The following CTNNA2 variants were observed in gnomAD, a reference collection of about 807,000 sequenced individuals.
The protein encoded by CTNNA2 is catenin alpha-2.
In CTNNA2, 42 loss-of-function variants were observed where a neutral mutation model predicts 101.0. The observed-to-expected ratio is 0.42, with a 90% CI of 0.32 to 0.54. The LOEUF (loss-of-function observed/expected upper bound fraction) is 0.54, where lower values mean the gene tolerates loss of function less well. Among genes scored for constraint, CTNNA2 ranks in the 20% least tolerant of loss-of-function variants. CTNNA2 has a pLI of 0.14. For missense variants in CTNNA2, 871 were observed against 1,223.1 expected (o/e 0.71, Z 4.29); for synonymous variants, 450 against 456.4 (o/e 0.99, Z 0.18).
At chr2:79,568,677 T>TA (rs1675268573) in intron 1 of CTNNA2, among the ~76,000 whole-genome samples, 1 of 151,648 alleles carries the variant, frequency 6.6e-6, no homozygotes. Context: ...CATGATGAAA[T>TA]AAAAAACAAT....
In CTNNA2 at chr2:80,312,147, G is replaced by A. The variant is rs985077889; in HGVS notation, c.1057-81064G>A. On this transcript the variant is annotated intron_variant, in intron 7 of 18. Transcript: ENST00000402739. ...TAAATTTGATTCTCTCAGCAAGGCAGTTTTTACTTTCTTCAGAAAGGGTGC... is the reference window on the plus strand; with the variant it reads ...TAAATTTGATTCTCTCAGCAAGGCAATTTTTACTTTCTTCAGAAAGGGTGC... 2.9e-4 allele frequency among the ~76,000 whole-genome samples: 44 copies of A among 152,346 alleles called. No individual in the cohort carries two copies. In the Middle Eastern group the frequency reaches 0.01, roughly 35 times the overall value.
At chr2:79,437,142 G>A (rs1458328577) in intron 4 of CTNNA2, among the ~76,000 whole-genome samples, 1 of 151,704 alleles carries the variant, frequency 6.6e-6, no homozygotes, top group African/African-American at 2.4e-5. Flanking sequence ...GCTGAGGCAG[G>A]AGAATCAGTT....
At chr2:79,622,132 C>T (rs927695962) in intron 1 of CTNNA2, among the ~76,000 whole-genome samples, 32 of 152,164 alleles carry the variant, frequency 2.1e-4, no homozygotes, top group African/African-American at 7.0e-4. Context: ...AAAAATGGCT[C>T]CTTAAGAATG....
intron 17 of CTNNA2, among the ~76,000 whole-genome samples, chr2:80,610,495 A>T (rs1698372225): frequency 6.6e-6 from 1 of 151,658 alleles, no homozygotes; most frequent in African/African-American, 2.4e-5. Context: ...TCAAAAAAGA[A>T]ATACTTAAAT....
At chr2:79,444,691 G>A (rs1023753548) in intron 4 of CTNNA2, among the ~76,000 whole-genome samples, 4 of 151,990 alleles carry the variant, frequency 2.6e-5, no homozygotes, top group Non-Finnish European at 4.4e-5. Context: ...CTCAAAATGT[G>A]TATGTGTGTC....
chr2:80,635,003 C>T (rs780280762), intron 18 of CTNNA2, among the ~76,000 whole-genome samples: 8 of 152,064 alleles, frequency 5.3e-5, no homozygotes, highest in African/African-American at 1.4e-4. Flanking sequence ...AAAAGGCTTA[C>T]GGATGCTTAG....
chr2:79,686,772 T>G (rs531517635), intron 2 of CTNNA2, among the ~76,000 whole-genome samples: 2 of 152,250 alleles, frequency 1.3e-5, no homozygotes, highest in African/African-American at 2.4e-5. Flanking sequence ...ACCCTGCTAC[T>G]GTACAGTGTG....
At chr2:79,956,778 A>G (rs1409512953) in intron 7 of CTNNA2, among the ~76,000 whole-genome samples, 1 of 150,388 alleles carries the variant, frequency 6.6e-6, no homozygotes, top group East Asian at 1.9e-4. Context: ...AAAGAGTAAT[A>G]CAATGTCTTA....
chr2:79,424,860 T>A (rs193162965), intron 4 of CTNNA2, among the ~76,000 whole-genome samples: 8 of 152,318 alleles, frequency 5.3e-5, no homozygotes, highest in Middle Eastern at 3.4e-3. Flanking sequence ...AGCATATTTT[T>A]ATTTATTTAA....
chr2:80,483,981 T>G (rs1019536610), intron 9 of CTNNA2, among the ~76,000 whole-genome samples: 12 of 152,022 alleles, frequency 7.9e-5, no homozygotes, highest in African/African-American at 2.9e-4. Context: ...AGTAGCTGCT[T>G]GAAGGAAAAA....
chr2:80,023,485 C>T (rs1432868346), intron 7 of CTNNA2, among the ~76,000 whole-genome samples: 1 of 151,952 alleles, frequency 6.6e-6, no homozygotes, highest in East Asian at 1.9e-4. Context: ...TCAGGGATTC[C>T]TACAGCAGGC....
At chr2:80,577,389 C>G (rs964794380) in intron 13 of CTNNA2, among the ~76,000 whole-genome samples, 1 of 152,058 alleles carries the variant, frequency 6.6e-6, no homozygotes, top group African/African-American at 2.4e-5. Flanking sequence ...TAAGCCCTAA[C>G]GGTACTCAGG....
At chr2:80,213,707 A>G (rs911804934) in intron 7 of CTNNA2, among the ~76,000 whole-genome samples, 5 of 152,116 alleles carry the variant, frequency 3.3e-5, no homozygotes, top group Non-Finnish European at 7.3e-5. Flanking sequence ...TGGGGTGGAG[A>G]GTTCTATAGA....
intron 7 of CTNNA2, among the ~76,000 whole-genome samples, chr2:79,979,605 G>C (rs1173104491): frequency 6.6e-6 from 1 of 151,946 alleles, no homozygotes; most frequent in Non-Finnish European, 1.5e-5. Context: ...ATTTAATTTT[G>C]TTTGTTAATT....
chr2:80,541,165 A>T (rs576997531), intron 9 of CTNNA2, among the ~76,000 whole-genome samples: 1 of 152,366 alleles, frequency 6.6e-6, no homozygotes, highest in East Asian at 1.9e-4. Context: ...AGGGATTTGG[A>T]TAGAGCCCAT....
intron 4 of CTNNA2, among the ~76,000 whole-genome samples, chr2:79,860,390 C>T (rs1392389030): frequency 1.3e-5 from 2 of 152,012 alleles, no homozygotes; most frequent in African/African-American, 4.8e-5. Context: ...GTGATAAATC[C>T]AGGGCGATGA....
chr2:79,775,506 G>A (rs773725052), intron 3 of CTNNA2, among the ~76,000 whole-genome samples: 5 of 152,124 alleles, frequency 3.3e-5, no homozygotes, highest in African/African-American at 4.8e-5. Context: ...TGTGCAGGAG[G>A]TGCAGGTTTA....
At chr2:80,154,439 A>C (rs1703889325) in intron 7 of CTNNA2, among the ~76,000 whole-genome samples, 1 of 152,176 alleles carries the variant, frequency 6.6e-6, no homozygotes, top group Non-Finnish European at 1.5e-5. Context: ...GCCGGGAGCT[A>C]AGTTCCAGGA....
intron 7 of CTNNA2, among the ~76,000 whole-genome samples, chr2:80,326,778 G>T (rs1472518885): frequency 6.6e-6 from 1 of 152,090 alleles, no homozygotes; most frequent in Non-Finnish European, 1.5e-5. Context: ...TTTAAAGGAA[G>T]ATGGGTTTGA....
Sources: gnomAD v4.1 joint callset for allele counts (sites outside exome capture counted in the v4.1 genomes callset) on GRCh38, gnomAD v4.1.1 for gene constraint, MANE v1.5 for transcripts, NCBI Gene and HGNC (gene_info 2026-07-23, HGNC 2026-07-21) for gene names.